AP2S1: variants seen among roughly 807,000 people sequenced by gnomAD.
AP2S1 encodes AP-2 complex subunit sigma.
In AP2S1, 6 loss-of-function variants were observed where a neutral mutation model predicts 21.0. The ratio of observed to expected loss-of-function variants is 0.29; its 90% CI spans 0.16 to 0.56. The LOEUF is 0.56. Among genes scored for constraint, AP2S1 ranks in the 20% least tolerant of loss-of-function variants. The probability of loss-of-function intolerance (pLI) is 0.92; values close to 1 mark genes in which losing one functional copy is unlikely to be tolerated. For missense variants in AP2S1, 60 were observed against 186.2 expected, an observed-to-expected ratio of 0.32 and a Z score of 3.95; for synonymous variants, 63 against 74.6, an observed-to-expected ratio of 0.84 and a Z score of 0.80.
At chr19:46,848,783 G>A (rs370971070) in intron 1 of AP2S1, among the ~76,000 whole-genome samples, 86 of 152,124 alleles carry the variant, frequency 5.7e-4, no homozygotes, top group African/African-American at 2.0e-3. Context: ...GCACTGTCTC[G>A]GTTCACTGCA....
Position 46,839,446 on chromosome 19 carries a change from C to T in AP2S1, c.267+19G>A, listed in dbSNP as rs199770574. ...GCTGCCCACCCGCCTCCCCACCTTA[C>T]ATCCCTCTCCCGCCGTACCTCCACG... On this transcript the variant is annotated intron_variant, in intron 3 of 4. Coordinates refer to ENST00000263270, the MANE Select transcript of AP2S1 (RefSeq NM_004069.6). 1.1e-4 allele frequency: 89 copies of T among 787,714 alleles called. No individual in the cohort carries two copies. Among genetic ancestry groups the T allele is most frequent in the Non-Finnish European group, 1.7e-4 (78 of 461,652 alleles). The allele number at this position is 787,714 out of a possible 1,614,324, so 48.8% of individuals were successfully genotyped here.
intron 2 of AP2S1, among the ~76,000 whole-genome samples, chr19:46,844,754 C>T (rs1016836505): frequency 1.3e-5 from 2 of 152,026 alleles, no homozygotes; most frequent in Non-Finnish European, 1.5e-5. Flanking sequence ...GAGCCATGTT[C>T]GTGCCACTGC....
intron 2 of AP2S1, among the ~76,000 whole-genome samples, chr19:46,844,715 G>A (rs886959092): frequency 1.3e-5 from 2 of 152,150 alleles, no homozygotes; most frequent in Admixed American, 6.5e-5. Flanking sequence ...TGGGAGGGTA[G>A]CTTGAACATA....
In AP2S1 at chr19:46,850,793, C is replaced by T. The variant is rs2055726253; in HGVS notation, c.-27G>A. ...GCGACCCCCGTCCAGACCCCAGCGG[C>T]CCCGGTCCCGCGGCGACTGGGCAGC... is the stretch of plus-strand genomic sequence containing the variant. On this transcript the variant is annotated 5_prime_UTR_variant, in exon 1 of 5. Transcript: ENST00000263270. 7 of 1,560,384 alleles carry T rather than the reference C, an allele frequency of 4.5e-6. No homozygotes were observed. The South Asian group carries it at 4.6e-5, about 10-fold the overall frequency.
At chr19:46,845,772 C>A in intron 2 of AP2S1, 1 of 528,132 alleles carries the variant, frequency 1.9e-6, no homozygotes. Context: ...AATCTCCAAT[C>A]TACTTTTCTT....
rs766811417 is a variant in AP2S1 at position 46,850,683 on chromosome 19, T to A, written c.3+81A>T. On this transcript the variant is annotated intron_variant, in intron 1 of 4. Transcript: ENST00000263270. Reference sequence around the variant, plus strand: ...AGACCATCCGCGGCAGAGAAGGGACTTGTCAGCGCCCGATCCAGCCTCGGC... The same window carrying A: ...AGACCATCCGCGGCAGAGAAGGGACATGTCAGCGCCCGATCCAGCCTCGGC... The A allele has an allele frequency of 6.3e-6, 8 of 1,275,394 alleles. No individual in the cohort carries two copies. In the Admixed American group the frequency reaches 1.0e-4, roughly 16 times the overall value. The allele number at this position is 1,275,394 out of a possible 1,614,324, so 79.0% of individuals were successfully genotyped here. A position where few individuals can be genotyped will look rare whatever the true frequency, so the allele number is the denominator to read the frequency against.
intron 1 of AP2S1, among the ~76,000 whole-genome samples, chr19:46,849,971 C>T (rs1438153781): frequency 2.6e-5 from 4 of 152,188 alleles, no homozygotes; most frequent in African/African-American, 9.7e-5. Context: ...AAAGCCCCAA[C>T]CTGGGGGATA....
chr19:46,841,803 T>C (rs1293444553), intron 2 of AP2S1, among the ~76,000 whole-genome samples: 2 of 152,182 alleles, frequency 1.3e-5, no homozygotes, highest in Admixed American at 6.6e-5. Flanking sequence ...AAGCATGAGA[T>C]GGGGCGATAA....
In AP2S1 at chr19:46,838,853, G is replaced by A. The variant is rs964158143; in HGVS notation, c.268-54C>T. 3.1e-5 allele frequency: 47 copies of A among 1,520,326 alleles called. 1 individual carries two copies. Among genetic ancestry groups the A allele is most frequent in the South Asian group, 1.8e-4 (16 of 88,202 alleles). The allele number at this position is 1,520,326 out of a possible 1,614,324, so 94.2% of individuals were successfully genotyped here. A position where few individuals can be genotyped will look rare whatever the true frequency, so the allele number is the denominator to read the frequency against. On this transcript the variant is annotated intron_variant, in intron 3 of 4. Coordinates refer to ENST00000263270, the MANE Select transcript of AP2S1 (RefSeq NM_004069.6). The surrounding 1 kb of genome is among the most constrained non-coding windows in gnomAD (Gnocchi z 4.1). ...GATGGGCAGGGAGAGAGCCACACACGCACAGAGATGGGAACAAGGTCATCA... is the reference window on the plus strand; with the variant it reads ...GATGGGCAGGGAGAGAGCCACACACACACAGAGATGGGAACAAGGTCATCA...
chr19:46,840,954 T>C (rs1314299275), intron 2 of AP2S1, among the ~76,000 whole-genome samples: 1 of 151,642 alleles, frequency 6.6e-6, no homozygotes, highest in African/African-American at 2.4e-5. Context: ...TCAGGGTTTT[T>C]TTTGTTTTTT....
intron 2 of AP2S1, 106 bp from the exon 3 acceptor site, chr19:46,839,684 C>T: frequency 6.5e-7 from 1 of 1,540,866 alleles, no homozygotes; most frequent in Non-Finnish European, 8.8e-7. Context: ...GGTCCCGAGG[C>T]CCAGCTCTGT....
rs559289097 is a variant in AP2S1, at chr19:46,850,670, G to A, written c.3+94C>T. ...CCGCGCCTGACCCAGACCATCCGCG[G>A]CAGAGAAGGGACTTGTCAGCGCCCG... On this transcript the variant is annotated intron_variant, in intron 1 of 4. Coordinates refer to ENST00000263270, the MANE Select transcript of AP2S1 (RefSeq NM_004069.6). 2.9e-5 allele frequency: 34 copies of A among 1,161,066 alleles called. No individual in the cohort carries two copies. In the African/African-American group the frequency reaches 3.7e-4, roughly 13 times the overall value. The allele number at this position is 1,161,066 out of a possible 1,614,324, so 71.9% of individuals were successfully genotyped here.
At chr19:46,843,950 G>C (rs1056806672) in intron 2 of AP2S1, among the ~76,000 whole-genome samples, 2 of 151,756 alleles carry the variant, frequency 1.3e-5, no homozygotes, top group Non-Finnish European at 2.9e-5. Flanking sequence ...TTGTTCTGTT[G>C]CCCAGGCTGG....
chr19:46,839,282 G>A (rs555256148), intron 3 of AP2S1, among the ~76,000 whole-genome samples, 183 bp downstream of exon 3: 47 of 60,116 alleles, frequency 7.8e-4, no homozygotes, highest in Non-Finnish European at 1.0e-3. Flanking sequence ...ACAAGACTCC[G>A]TCTCAAAAAA....
chr19:46,839,742 C>T (rs980631164), intron 2 of AP2S1, 164 bp from the exon 3 acceptor site: 18 of 1,236,664 alleles, frequency 1.5e-5, no homozygotes, highest in Non-Finnish European at 1.9e-5. Context: ...CAGCCCTAAC[C>T]CTGCTCACAG....
At chr19:46,845,930 A>G (rs1393904054) in intron 2 of AP2S1, 63 bp downstream of exon 2, 26 of 1,604,336 alleles carry the variant, frequency 1.6e-5, no homozygotes, top group Non-Finnish European at 2.1e-5. Flanking sequence ...GAAGCTGGGC[A>G]GGGAGTGGCG....
chr19:46,849,876 G>A lies in AP2S1; in HGVS notation c.3+888C>T, dbSNP rs536883978. ...TTTTGCCTCCAAGGACCCTGTTCCT[G>A]GAGGAGACTCCGCCCCCGCTCTGAC... On this transcript the variant is annotated intron_variant, in intron 1 of 4. Transcript: ENST00000263270. Among the ~76,000 whole-genome samples, 426 of 152,002 alleles carry A rather than the reference G, an allele frequency of 2.8e-3. 1 individual carries two copies. Among genetic ancestry groups the A allele is most frequent in the African/African-American group, 9.7e-3 (404 of 41,442 alleles).
intron 2 of AP2S1, among the ~76,000 whole-genome samples, chr19:46,841,232 G>C (rs1333285511): frequency 6.6e-6 from 1 of 152,170 alleles, no homozygotes; most frequent in Non-Finnish European, 1.5e-5. Flanking sequence ...GGGATTACAG[G>C]CGTGAGCCCA....
chr19:46,847,170 T>C (rs1449035881), intron 1 of AP2S1, among the ~76,000 whole-genome samples: 2 of 152,060 alleles, frequency 1.3e-5, no homozygotes, highest in Non-Finnish European at 2.9e-5. Flanking sequence ...ACTTAAAATG[T>C]AGACAGTTAA....
Sources: allele counts gnomAD v4.1 joint callset (sites outside exome capture counted in the v4.1 genomes callset), GRCh38; gene constraint gnomAD v4.1.1; non-coding constraint Gnocchi (gnomAD v3.1); transcripts MANE v1.5; gene names NCBI Gene and HGNC (gene_info 2026-07-23, HGNC 2026-07-21).